Variants in MBOAT2 observed in about 807,000 individuals in gnomAD.
MBOAT2 encodes the protein membrane-bound glycerophospholipid O-acyltransferase 2.
In MBOAT2, 28 loss-of-function variants were observed where a neutral mutation model predicts 63.4. That is an observed-to-expected ratio of 0.44 (90% CI 0.33 to 0.61). The LOEUF (loss-of-function observed/expected upper bound fraction) is 0.61, where lower values mean the gene tolerates loss of function less well. MBOAT2 is among the 20% of genes least tolerant of loss of function. The pLI is 0.03. For synonymous variants in MBOAT2, 211 were observed against 215.6 expected (o/e 0.98, Z 0.19); for missense variants, 470 against 605.8 (o/e 0.78, Z 2.35).
chr2:8,877,542 G>A (rs1408755424), intron 6 of MBOAT2, among the ~76,000 whole-genome samples: 1 of 152,218 alleles, frequency 6.6e-6, no homozygotes, highest in African/African-American at 2.4e-5. Context: ...CACGTGCTGT[G>A]CACTGTGTGC....
intron 6 of MBOAT2, among the ~76,000 whole-genome samples, chr2:8,880,713 T>A (rs181421096): frequency 6.6e-6 from 1 of 151,758 alleles, no homozygotes; most frequent in South Asian, 2.1e-4. Context: ...AAAGAGCCAG[T>A]GAAGGAGGAG....
chr2:8,896,440 C>CAA (rs56077099), intron 4 of MBOAT2, among the ~76,000 whole-genome samples: 133,182 of 151,822 alleles, frequency 0.88, 58,518 homozygotes, highest in East Asian at 0.96. Flanking sequence ...TCACTGCTGC[C>CAA]AGAGTCTATT....
rs1451898596 is a variant in MBOAT2, at chr2:8,873,238, A to G, written c.753T>C (p.Cys251=). 1 of 1,614,114 alleles carries G rather than the reference A, an allele frequency of 6.2e-7. No homozygotes were observed. Among genetic ancestry groups the G allele is most frequent in the African/African-American group, 1.3e-5 (1 of 74,946 alleles). ...TGTTGTACTCCACAGGTAATGTTGT[A>G]CAGATGGTCAAGTGAAATAACAAGG... ...GLSLLFHLTI[C]TTLPVEYNID... is the part of the protein sequence containing the mutation. Residue 251 remains cysteine (C), a synonymous_variant, in exon 8 of 13, where the codon TGT becomes TGC. Coordinates refer to ENST00000305997, the MANE Select transcript of MBOAT2 (RefSeq NM_138799.4).
chr2:8,881,370 A>G (rs1663122002), intron 6 of MBOAT2, among the ~76,000 whole-genome samples: 1 of 152,158 alleles, frequency 6.6e-6, no homozygotes, highest in Admixed American at 6.5e-5. Flanking sequence ...ATCTTAGAAG[A>G]GTGTGGGCAA....
intron 4 of MBOAT2, among the ~76,000 whole-genome samples, chr2:8,898,517 AG>A (rs1188080343): frequency 6.6e-6 from 1 of 152,238 alleles, no homozygotes; most frequent in Non-Finnish European, 1.5e-5. Flanking sequence ...CTAGACACCT[AG>A]TACCCTTGAT....
intron 1 of MBOAT2, among the ~76,000 whole-genome samples, chr2:8,991,260 C>CTA (rs1338057300): frequency 2.0e-5 from 3 of 152,098 alleles, no homozygotes; most frequent in African/African-American, 7.2e-5. Context: ...TACTTTATTC[C>CTA]CCTCCAGCTA....
intron 2 of MBOAT2, among the ~76,000 whole-genome samples, chr2:8,952,712 G>C (rs556899459): frequency 6.7e-6 from 1 of 150,202 alleles, no homozygotes; most frequent in Non-Finnish European, 1.5e-5. Context: ...ATGATTTTAT[G>C]CATGTAGGTT....
chr2:8,865,265 C>T (rs562786180), intron 9 of MBOAT2, among the ~76,000 whole-genome samples: 1 of 151,958 alleles, frequency 6.6e-6, no homozygotes, highest in Non-Finnish European at 1.5e-5. Context: ...AACCTAATAC[C>T]CCATCTATAT....
rs948842333 is a variant in MBOAT2, at chr2:8,870,824, T to C, written c.884-2275A>G. Among the ~76,000 whole-genome samples the C allele has an allele frequency of 3.9e-5, 6 of 152,338 alleles. No homozygotes were observed. The East Asian group carries it at 1.2e-3, about 29-fold the overall frequency. ...GTCATTCATATATATTCTAATATGATTATTTCTTTAAGGAAGAATCAGGGA... is the reference window on the plus strand; with the variant it reads ...GTCATTCATATATATTCTAATATGACTATTTCTTTAAGGAAGAATCAGGGA... On this transcript the variant is annotated intron_variant, in intron 8 of 12. Coordinates refer to ENST00000305997, the MANE Select transcript of MBOAT2 (RefSeq NM_138799.4).
intron 3 of MBOAT2, among the ~76,000 whole-genome samples, chr2:8,931,865 T>C (rs1223465346): frequency 1.3e-5 from 2 of 152,216 alleles, no homozygotes; most frequent in Non-Finnish European, 2.9e-5. Flanking sequence ...TTGCTTGCTT[T>C]TGTCAGTCTG....
At chr2:8,896,414 C>T (rs1469427377) in intron 4 of MBOAT2, among the ~76,000 whole-genome samples, 6 of 128,096 alleles carry the variant, frequency 4.7e-5, no homozygotes, top group Admixed American at 8.2e-5. Flanking sequence ...GTCTAGGCCT[C>T]GGTGGTTTTG....
chr2:8,993,719 GT>G (rs2103368611), intron 1 of MBOAT2, among the ~76,000 whole-genome samples: 1 of 152,256 alleles, frequency 6.6e-6, no homozygotes, highest in South Asian at 2.1e-4. Context: ...GAGCTGCGGT[GT>G]TTTATGTCTG....
chr2:8,962,676 C>CCA (rs995724111), intron 1 of MBOAT2, among the ~76,000 whole-genome samples: 1 of 149,490 alleles, frequency 6.7e-6, no homozygotes, highest in Non-Finnish European at 1.5e-5. Flanking sequence ...AAAACTAAAA[C>CCA]TATATATATA....
chr2:8,888,401 A>T (rs1663721480), intron 4 of MBOAT2, among the ~76,000 whole-genome samples: 1 of 152,178 alleles, frequency 6.6e-6, no homozygotes, highest in African/African-American at 2.4e-5. Flanking sequence ...GGAGGTAAGA[A>T]GCACGCAGGC....
intron 1 of MBOAT2, among the ~76,000 whole-genome samples, chr2:8,973,560 A>T (rs1041435410): frequency 4.0e-5 from 6 of 151,760 alleles, no homozygotes; most frequent in Non-Finnish European, 8.8e-5. Context: ...GCTAAAAAAA[A>T]AAAAAAGCAA....
At chr2:8,982,914 G>T (rs1274060833) in intron 1 of MBOAT2, among the ~76,000 whole-genome samples, 2 of 152,166 alleles carry the variant, frequency 1.3e-5, no homozygotes, top group Non-Finnish European at 2.9e-5. Context: ...CAACCTGGGG[G>T]CAGGGACCAT....
At chr2:8,906,713 A>T (rs1665360698) in intron 4 of MBOAT2, among the ~76,000 whole-genome samples, 1 of 152,270 alleles carries the variant, frequency 6.6e-6, no homozygotes, top group African/African-American at 2.4e-5. Flanking sequence ...GTAATGACCA[A>T]GATCAAACTG....
At chr2:8,984,604 A>C (rs943638408) in intron 1 of MBOAT2, among the ~76,000 whole-genome samples, 6 of 152,072 alleles carry the variant, frequency 3.9e-5, no homozygotes, top group African/African-American at 1.4e-4. Context: ...TCCCAAATCA[A>C]CTCCCCAGAA....
rs77212748 is a variant in MBOAT2 at position 8,992,695 on chromosome 2, G to A, written c.75+10845C>T. On this transcript the variant is annotated intron_variant, in intron 1 of 12. Coordinates refer to ENST00000305997, the MANE Select transcript of MBOAT2 (RefSeq NM_138799.4). ...CTGGCGGAGAAAATCTCCAAAACCTGAAAAAGTTTCTATGAGATGATGGAT... is the reference window on the plus strand; with the variant it reads ...CTGGCGGAGAAAATCTCCAAAACCTAAAAAAGTTTCTATGAGATGATGGAT... Among the ~76,000 whole-genome samples, 436 of 152,282 alleles carry A rather than the reference G, an allele frequency of 2.9e-3. 1 individual carries two copies. Among genetic ancestry groups the A allele is most frequent in the African/African-American group, 0.01 (423 of 41,564 alleles).
Sources: allele counts gnomAD v4.1 joint callset (sites outside exome capture counted in the v4.1 genomes callset), GRCh38; gene constraint gnomAD v4.1.1; transcripts MANE v1.5; gene names NCBI Gene and HGNC (gene_info 2026-07-23, HGNC 2026-07-21).